Variants in CDH4 observed in about 807,000 individuals in gnomAD.
CDH4 encodes the protein cadherin 4.
A neutral mutation model predicts 86.0 loss-of-function variants in CDH4; 33 were observed. The ratio of observed to expected loss-of-function variants is 0.38; its 90% CI spans 0.29 to 0.51. CDH4 has a LOEUF of 0.51. Among genes scored for constraint, CDH4 ranks in the 20% least tolerant of loss-of-function variants. The pLI is 0.86. For synonymous variants in CDH4, 555 were observed against 549.4 expected, an observed-to-expected ratio of 1.01 and a Z score of -0.14; for missense variants, 1,114 against 1,307.4, an observed-to-expected ratio of 0.85 and a Z score of 2.28.
At chr20:61,410,916 T>A (rs1411890786) in intron 2 of CDH4, among the ~76,000 whole-genome samples, 1 of 151,712 alleles carries the variant, frequency 6.6e-6, no homozygotes, top group Admixed American at 6.6e-5. Flanking sequence ...CATCCAGTCA[T>A]CCATCCATTC....
intron 2 of CDH4, among the ~76,000 whole-genome samples, chr20:61,687,989 G>T (rs2087606356): frequency 6.6e-6 from 1 of 152,066 alleles, no homozygotes; most frequent in South Asian, 2.1e-4. Flanking sequence ...ATATTATTAT[G>T]ACTTCATAAT....
intron 2 of CDH4, among the ~76,000 whole-genome samples, chr20:61,446,460 A>G (rs1385995072): frequency 6.6e-6 from 1 of 152,228 alleles, no homozygotes; most frequent in Non-Finnish European, 1.5e-5. Context: ...GTCTTATTCT[A>G]TTGGCATCAC....
chr20:61,285,685 A>G (rs1490304783), intron 2 of CDH4, among the ~76,000 whole-genome samples: 2 of 152,264 alleles, frequency 1.3e-5, no homozygotes, highest in African/African-American at 2.4e-5. Flanking sequence ...CTGCAAATCT[A>G]TAGTCAAGAA....
At chr20:61,574,986 G>C (rs187840919) in intron 2 of CDH4, among the ~76,000 whole-genome samples, 1 of 152,186 alleles carries the variant, frequency 6.6e-6, no homozygotes, top group Admixed American at 6.5e-5. Flanking sequence ...GAGTGCTGCC[G>C]TGTGAAGAAA....
At chr20:61,455,993 G>A (rs1373289819) in intron 2 of CDH4, among the ~76,000 whole-genome samples, 2 of 151,938 alleles carry the variant, frequency 1.3e-5, no homozygotes, top group East Asian at 1.9e-4. Flanking sequence ...ATGGATGGAT[G>A]GATGGATAGA....
At chr20:61,503,730 A>G (rs1207567271) in intron 2 of CDH4, among the ~76,000 whole-genome samples, 2 of 152,248 alleles carry the variant, frequency 1.3e-5, no homozygotes, top group Non-Finnish European at 2.9e-5. Context: ...ATTTATCATT[A>G]ACTAAATTAT....
chr20:61,546,076 T>TGTGGGATACAGTGTG (rs1555865249), intron 2 of CDH4, among the ~76,000 whole-genome samples: 1 of 8,678 alleles, frequency 1.2e-4, no homozygotes, highest in Non-Finnish European at 1.9e-4. Context: ...TGGAGGGGGT[T>TGTGGGATACAGTGTG]TGTTCACACG....
chr20:61,349,211 C>T (rs546587274), intron 2 of CDH4, among the ~76,000 whole-genome samples: 7 of 152,298 alleles, frequency 4.6e-5, no homozygotes, highest in Admixed American at 1.3e-4. Flanking sequence ...GAACAGACAG[C>T]GGGGACCCTG....
chr20:61,846,823 G>A (rs1982475409), intron 5 of CDH4, among the ~76,000 whole-genome samples: 1 of 152,082 alleles, frequency 6.6e-6, no homozygotes, highest in African/African-American at 2.4e-5. Flanking sequence ...GTGTGGCATT[G>A]CACATGCAGC....
At chr20:61,781,513 G>T (rs1978542464) in intron 4 of CDH4, among the ~76,000 whole-genome samples, 1 of 152,198 alleles carries the variant, frequency 6.6e-6, no homozygotes. Flanking sequence ...CACTGGATGG[G>T]TTCACAAGTG....
At chr20:61,452,466 G>A (rs995016231) in intron 2 of CDH4, among the ~76,000 whole-genome samples, 26 of 152,292 alleles carry the variant, frequency 1.7e-4, no homozygotes, top group East Asian at 7.7e-4. Context: ...CCACGTTTTC[G>A]ATATTTATCA....
In CDH4 at chr20:61,425,860, G is replaced by A. The variant is rs559166802; in HGVS notation, c.169+170923G>A. On this transcript the variant is annotated intron_variant, in intron 2 of 15. Coordinates refer to ENST00000614565, the MANE Select transcript of CDH4 (RefSeq NM_001794.5). ...ATTGCAGTACATTCTCAAAGGCCCC[G>A]CCCAGGGCAGAATGGCCAATTGCAG... 8.9e-4 allele frequency among the ~76,000 whole-genome samples: 134 copies of A among 151,202 alleles called. 1 individual carries two copies. The highest frequency in any genetic ancestry group is 1.5e-3 in the Non-Finnish European group (103 of 67,704).
At chr20:61,840,094 C>T (rs373218929) in intron 4 of CDH4, among the ~76,000 whole-genome samples, 170 of 152,302 alleles carry the variant, frequency 1.1e-3, no homozygotes, top group African/African-American at 3.8e-3. Flanking sequence ...CAATGCTTAT[C>T]CTGATGTACA....
intron 2 of CDH4, among the ~76,000 whole-genome samples, chr20:61,292,077 A>T (rs1228976984): frequency 6.6e-6 from 1 of 152,150 alleles, no homozygotes; most frequent in African/African-American, 2.4e-5. Context: ...CAGTATGGTG[A>T]TTCCTCAAAT....
At chr20:61,841,737 G>A (rs563979267) in intron 4 of CDH4, among the ~76,000 whole-genome samples, 3 of 152,244 alleles carry the variant, frequency 2.0e-5, no homozygotes, top group Admixed American at 6.5e-5. Flanking sequence ...CTGTGAGTGT[G>A]TGCACATGTG....
At chr20:61,333,364 C>T (rs2084595846) in intron 2 of CDH4, among the ~76,000 whole-genome samples, 1 of 152,174 alleles carries the variant, frequency 6.6e-6, no homozygotes, top group Admixed American at 6.5e-5. Flanking sequence ...TCATAGAAAC[C>T]TCAATTCAGA....
chr20:61,897,113 C>T (rs1296178802), intron 8 of CDH4, among the ~76,000 whole-genome samples: 1 of 152,214 alleles, frequency 6.6e-6, no homozygotes, highest in African/African-American at 2.4e-5. Flanking sequence ...CAACTTAAAG[C>T]ACATTGCAGG....
At chr20:61,444,208 C>T (rs2145536781) in intron 2 of CDH4, among the ~76,000 whole-genome samples, 1 of 28,530 alleles carries the variant, frequency 3.5e-5, no homozygotes, top group East Asian at 1.0e-3. Flanking sequence ...GTCTGTGTAT[C>T]TGTATATGGC....
intron 2 of CDH4, among the ~76,000 whole-genome samples, chr20:61,294,213 G>T (rs2427040): frequency 6.6e-6 from 1 of 152,000 alleles, no homozygotes; most frequent in African/African-American, 2.4e-5. Context: ...AGGCTGGGGG[G>T]TCTGCCCGTG....
Sources: allele counts gnomAD v4.1 joint callset (sites outside exome capture counted in the v4.1 genomes callset), GRCh38; gene constraint gnomAD v4.1.1; transcripts MANE v1.5; gene names NCBI Gene and HGNC (gene_info 2026-07-23, HGNC 2026-07-21).